Variants in NR1H4 observed in about 807,000 individuals in gnomAD.
NR1H4 encodes the protein bile acid receptor.
In NR1H4, 23 loss-of-function variants were observed where a neutral mutation model predicts 58.5. The ratio of observed to expected loss-of-function variants is 0.39; its 90% CI spans 0.28 to 0.56. The LOEUF is 0.56. Among genes scored for constraint, NR1H4 ranks in the 20% least tolerant of loss-of-function variants. The pLI is 0.58. For synonymous variants in NR1H4, 214 were observed against 198.0 expected (o/e 1.08, Z -0.68); for missense variants, 487 against 576.9 (o/e 0.84, Z 1.60).
In NR1H4 at chr12:100,563,339, G is replaced by C; in HGVS notation, c.1281G>C (p.Gln427His). ...TACAAAAGTTGTGTAAGATTCACCAGCCTGAAAATCCTCAACACTTTGCCT... is the reference window on the plus strand; with the variant it reads ...TACAAAAGTTGTGTAAGATTCACCACCCTGAAAATCCTCAACACTTTGCCT... ...DVLQKLCKIH[Q>H]PENPQHFACL... The change falls in exon 11 of 11, where the codon CAG (glutamine) becomes CAC (histidine). Residue 427 changes from glutamine to histidine, a missense_variant. Transcript: ENST00000392986. The C allele has an allele frequency of 6.2e-7, 1 of 1,614,132 alleles. No individual in the cohort carries two copies.
chr12:100,512,243 T>C (rs958302244), intron 4 of NR1H4, among the ~76,000 whole-genome samples: 5 of 151,712 alleles, frequency 3.3e-5, no homozygotes, highest in African/African-American at 1.2e-4. Context: ...AAAAAATATA[T>C]ATTTTATTTA....
chr12:100,494,547 G>A lies in NR1H4; in HGVS notation c.79+1145G>A, dbSNP rs185704112. 2.0e-5 allele frequency among the ~76,000 whole-genome samples: 3 copies of A among 152,334 alleles called. No homozygotes were observed. In the East Asian group the frequency reaches 5.8e-4, roughly 29 times the overall value. ...CGTAACTCTTAGAGAGACCAAAGGC[G>A]GCAGTAATTATTTATTAAATGCCAG... On this transcript the variant is annotated intron_variant, in intron 3 of 10. Transcript: ENST00000392986.
intron 1 of NR1H4, among the ~76,000 whole-genome samples, chr12:100,488,215 G>T (rs1410842503): frequency 2.0e-5 from 3 of 152,036 alleles, no homozygotes; most frequent in Admixed American, 2.0e-4. Context: ...GGCCAGGCTG[G>T]TCTTGAACTC....
chr12:100,533,110 T>C (rs1954734856), intron 5 of NR1H4, among the ~76,000 whole-genome samples: 1 of 152,198 alleles, frequency 6.6e-6, no homozygotes, highest in South Asian at 2.1e-4. Context: ...TTGTATAGGT[T>C]TACACAGGAA....
chr12:100,479,667 A>G (rs1270977652), intron 1 of NR1H4, among the ~76,000 whole-genome samples: 2 of 152,230 alleles, frequency 1.3e-5, no homozygotes, highest in Non-Finnish European at 2.9e-5. Flanking sequence ...TTTAAAACTC[A>G]TCAATTACTT....
chr12:100,497,978 G>A (rs1273721705), intron 3 of NR1H4, among the ~76,000 whole-genome samples: 1 of 152,128 alleles, frequency 6.6e-6, no homozygotes, highest in African/African-American at 2.4e-5. Context: ...ATGTTCCTGG[G>A]CACAGTGATT....
Position 100,509,552 on chromosome 12 carries a change from A to G in NR1H4, c.80-1226A>G, listed in dbSNP as rs1393405947. Among the ~76,000 whole-genome samples, 5 of 152,214 alleles carry G rather than the reference A, an allele frequency of 3.3e-5. No homozygotes were observed. The East Asian group carries it at 5.8e-4, about 18-fold the overall frequency. On this transcript the variant is annotated intron_variant, in intron 3 of 10. Transcript: ENST00000392986. ...CAAAGCACTTGGCACACATTATCTC[A>G]TATAATCCTTACATCAACCCAATGA...
At chr12:100,491,392 C>G (rs1345816114) in intron 1 of NR1H4, among the ~76,000 whole-genome samples, 1 of 151,458 alleles carries the variant, frequency 6.6e-6, no homozygotes, top group Non-Finnish European at 1.5e-5. Context: ...AGTGAGTTCT[C>G]TCTCTCTTCT....
chr12:100,547,963 G>T (rs1041998052), intron 9 of NR1H4, among the ~76,000 whole-genome samples: 9 of 150,720 alleles, frequency 6.0e-5, no homozygotes, highest in Admixed American at 1.3e-4. Context: ...CTCATGATTC[G>T]CCCGCCTTGG....
intron 9 of NR1H4, among the ~76,000 whole-genome samples, chr12:100,559,405 G>A (rs1018261785): frequency 6.6e-5 from 10 of 152,226 alleles, no homozygotes; most frequent in Non-Finnish European, 5.9e-5. Flanking sequence ...GGGAACCGGG[G>A]CTGCGTGCAG....
At chr12:100,530,112 G>T (rs1175098469) in intron 4 of NR1H4, among the ~76,000 whole-genome samples, 1 of 152,088 alleles carries the variant, frequency 6.6e-6, no homozygotes, top group African/African-American at 2.4e-5. Context: ...TATTCATCTT[G>T]GTATTTCCCA....
chr12:100,560,314 C>T (rs1355847682), intron 9 of NR1H4, among the ~76,000 whole-genome samples: 2 of 152,210 alleles, frequency 1.3e-5, no homozygotes, highest in Non-Finnish European at 2.9e-5. Context: ...TCCCCTTCCA[C>T]ACTGTGGAGG....
At chr12:100,560,159 T>C (rs1955433217) in intron 9 of NR1H4, among the ~76,000 whole-genome samples, 2 of 152,292 alleles carry the variant, frequency 1.3e-5, no homozygotes, top group Middle Eastern at 6.8e-3. Context: ...GGAGAACCTT[T>C]GTATCTAGCT....
intron 1 of NR1H4, among the ~76,000 whole-genome samples, chr12:100,487,919 G>A (rs1953529355): frequency 6.6e-6 from 1 of 151,248 alleles, no homozygotes; most frequent in Non-Finnish European, 1.5e-5. Flanking sequence ...GCCTTTAGCT[G>A]CATTTCTAAG....
At chr12:100,536,806 A>G in intron 7 of NR1H4, 142 bp from the exon 8 acceptor site, 1 of 661,682 alleles carries the variant, frequency 1.5e-6, no homozygotes, top group Non-Finnish European at 2.6e-6. Context: ...TGATAATGGT[A>G]ATTGCCCTCC....
rs199923852 is a variant in NR1H4, at chr12:100,549,196, G to T, written c.1078+8378G>T. On this transcript the variant is annotated intron_variant, in intron 9 of 10. Transcript: ENST00000392986. ...TACTAAAAATACAAAAAATTAGCCG[G>T]GCATGGTGGCATGTGCCGGTAGTCC... 1.7e-3 allele frequency among the ~76,000 whole-genome samples: 262 copies of T among 152,200 alleles called. 5 individuals carry two copies. Among genetic ancestry groups the T allele is most frequent in the East Asian group, 0.015 (75 of 5,168 alleles).
At position 100,476,780 on chromosome 12, in the gene NR1H4, G is replaced by C. The variant is rs1429665557; in HGVS notation, c.-190+2721G>C. Among the ~76,000 whole-genome samples, 4 of 152,268 alleles carry C rather than the reference G, an allele frequency of 2.6e-5. No individual in the cohort carries two copies. The South Asian group carries it at 8.3e-4, about 32-fold the overall frequency. ...TGAGTGCCTGTGATCCCAGCAGCTC[G>C]GGCGGCTGAGGTGGAAGGATTGCTT... On this transcript the variant is annotated intron_variant, in intron 1 of 10. Coordinates refer to ENST00000392986, the MANE Select transcript of NR1H4 (RefSeq NM_001206979.2).
intron 1 of NR1H4, among the ~76,000 whole-genome samples, chr12:100,483,588 G>A (rs914763725): frequency 6.6e-6 from 1 of 152,062 alleles, no homozygotes; most frequent in Non-Finnish European, 1.5e-5. Context: ...CTGTATTTCT[G>A]TCCTGGAAAG....
chr12:100,494,130 G>A (rs144013783), intron 3 of NR1H4, among the ~76,000 whole-genome samples: 2,253 of 152,190 alleles, frequency 0.015, 32 homozygotes, highest in Non-Finnish European at 0.021. Flanking sequence ...TTCACCCTCC[G>A]TTAATATATG....
Sources: gnomAD v4.1 joint callset for allele counts (sites outside exome capture counted in the v4.1 genomes callset) on GRCh38, gnomAD v4.1.1 for gene constraint, MANE v1.5 for transcripts, NCBI Gene and HGNC (gene_info 2026-07-23, HGNC 2026-07-21) for gene names.